Variants in GALNTL6 observed in about 807,000 individuals in gnomAD.
GALNTL6 encodes the protein polypeptide N-acetylgalactosaminyltransferase like 6, also known as polypeptide N-acetylgalactosaminyltransferase-like 6.
GALNTL6 carries 46 observed loss-of-function variants against 73.7 expected under a neutral mutation model. The observed-to-expected ratio is 0.62, with a 90% confidence interval of 0.49 to 0.80. The LOEUF (loss-of-function observed/expected upper bound fraction) is 0.80, where lower values mean the gene tolerates loss of function less well. Among genes scored for constraint, GALNTL6 ranks in the 30% least tolerant of loss-of-function variants. The pLI is 0.00. For missense variants in GALNTL6, 604 were observed against 755.0 expected, an observed-to-expected ratio of 0.80 and a Z score of 2.34; for synonymous variants, 259 against 263.7, an observed-to-expected ratio of 0.98 and a Z score of 0.17.
At chr4:172,286,716 G>A (rs890031412) in intron 3 of GALNTL6, among the ~76,000 whole-genome samples, 2 of 152,132 alleles carry the variant, frequency 1.3e-5, no homozygotes, top group Non-Finnish European at 2.9e-5. Flanking sequence ...GGGGAGGACG[G>A]TGCACAATAT....
intron 2 of GALNTL6, among the ~76,000 whole-genome samples, chr4:171,827,727 T>C (rs918621694): frequency 6.6e-6 from 1 of 152,188 alleles, no homozygotes; most frequent in Non-Finnish European, 1.5e-5. Flanking sequence ...TGGATACTAT[T>C]CCAGCATTCA....
At chr4:172,593,869 A>G (rs1035340736) in intron 5 of GALNTL6, among the ~76,000 whole-genome samples, 3 of 152,112 alleles carry the variant, frequency 2.0e-5, no homozygotes, top group Non-Finnish European at 4.4e-5. Flanking sequence ...AGCTAGGATT[A>G]TAGGCATGTG....
chr4:172,215,049 C>T (rs1320133308), intron 2 of GALNTL6, among the ~76,000 whole-genome samples: 1 of 141,342 alleles, frequency 7.1e-6, no homozygotes, highest in Non-Finnish European at 1.6e-5. Flanking sequence ...GTTATATAAT[C>T]TCCAAGTATT....
At chr4:172,975,012 G>A (rs896610245) in intron 10 of GALNTL6, among the ~76,000 whole-genome samples, 1 of 152,262 alleles carries the variant, frequency 6.6e-6, no homozygotes, top group African/African-American at 2.4e-5. Flanking sequence ...CCAAAGGACT[G>A]CAGCTCTTCC....
intron 5 of GALNTL6, among the ~76,000 whole-genome samples, chr4:172,356,428 T>G (rs568420333): frequency 5.3e-4 from 80 of 150,686 alleles, no homozygotes; most frequent in Middle Eastern, 3.4e-3. Flanking sequence ...CATCTGCTCT[T>G]AATTTAAAAA....
rs190565936 is a variant in GALNTL6 at position 173,023,827 on chromosome 4, T to A, written c.1638+2202T>A. On this transcript the variant is annotated intron_variant, in intron 12 of 12. Transcript: ENST00000506823. ...GAAATGTATAATAAATGATTCATCT[T>A]ATCAAACTATTTTGCTATTCAACAT... 3.0e-4 allele frequency among the ~76,000 whole-genome samples: 46 copies of A among 152,296 alleles called. No homozygotes were observed. In the East Asian group the frequency reaches 7.5e-3, roughly 25 times the overall value.
At chr4:172,000,948 C>T (rs1296726914) in intron 2 of GALNTL6, among the ~76,000 whole-genome samples, 2 of 152,158 alleles carry the variant, frequency 1.3e-5, no homozygotes, top group Non-Finnish European at 2.9e-5. Flanking sequence ...ATATCCCAAT[C>T]TTACTTTCAG....
chr4:172,558,930 G>T (rs1736242313), intron 5 of GALNTL6, among the ~76,000 whole-genome samples: 1 of 151,978 alleles, frequency 6.6e-6, no homozygotes, highest in Non-Finnish European at 1.5e-5. Flanking sequence ...ACCCTCTGGT[G>T]CCATTTGTTT....
chr4:172,500,146 C>A (rs1380660446), intron 5 of GALNTL6, among the ~76,000 whole-genome samples: 1 of 152,160 alleles, frequency 6.6e-6, no homozygotes, highest in Non-Finnish European at 1.5e-5. Flanking sequence ...CTAAGCCAGG[C>A]ATGGTGGCTC....
At chr4:172,636,645 A>G (rs965186789) in intron 5 of GALNTL6, among the ~76,000 whole-genome samples, 3 of 152,188 alleles carry the variant, frequency 2.0e-5, no homozygotes, top group African/African-American at 7.2e-5. Flanking sequence ...CAGCCTTCAA[A>G]AGGAGTACAG....
chr4:172,383,261 ATT>A (rs34622439), intron 5 of GALNTL6, among the ~76,000 whole-genome samples: 1 of 151,826 alleles, frequency 6.6e-6, no homozygotes, highest in African/African-American at 2.4e-5. Flanking sequence ...AGTTCTTTTC[ATT>A]TTTTTTAGAT....
chr4:172,303,146 T>A (rs1286023615), intron 3 of GALNTL6, among the ~76,000 whole-genome samples: 1 of 152,132 alleles, frequency 6.6e-6, no homozygotes, highest in Non-Finnish European at 1.5e-5. Context: ...ATTACAGGCA[T>A]CTGCCACTGT....
At chr4:171,896,898 T>C (rs1736933246) in intron 2 of GALNTL6, among the ~76,000 whole-genome samples, 3 of 152,010 alleles carry the variant, frequency 2.0e-5, no homozygotes, top group African/African-American at 7.3e-5. Context: ...AATTTAATTC[T>C]AAAATTTGTA....
intron 4 of GALNTL6, among the ~76,000 whole-genome samples, chr4:172,332,067 C>A (rs1033845846): frequency 1.3e-5 from 2 of 152,020 alleles, no homozygotes; most frequent in African/African-American, 4.8e-5. Flanking sequence ...ACCTTTCTGA[C>A]AGGTGTTAGG....
At chr4:171,902,138 C>T (rs1408232705) in intron 2 of GALNTL6, among the ~76,000 whole-genome samples, 1 of 152,116 alleles carries the variant, frequency 6.6e-6, no homozygotes, top group Non-Finnish European at 1.5e-5. Flanking sequence ...CCTGACAGCT[C>T]TTGGCTGGAG....
chr4:172,961,422 C>T (rs1423157891), intron 10 of GALNTL6, among the ~76,000 whole-genome samples: 1 of 151,388 alleles, frequency 6.6e-6, no homozygotes, highest in Non-Finnish European at 1.5e-5. Context: ...GGGGTTCTTG[C>T]CCCCCCAGAA....
At chr4:172,528,319 A>AATT (rs1735032639) in intron 5 of GALNTL6, among the ~76,000 whole-genome samples, 2 of 103,706 alleles carry the variant, frequency 1.9e-5, no homozygotes, top group African/African-American at 9.7e-5. Flanking sequence ...CTAGAAATAA[A>AATT]ATATATATAT....
chr4:172,399,654 G>T (rs765534413), intron 5 of GALNTL6, among the ~76,000 whole-genome samples: 5 of 151,970 alleles, frequency 3.3e-5, no homozygotes, highest in Non-Finnish European at 7.4e-5. Flanking sequence ...TACTTCACAT[G>T]GCAGGAGTCC....
intron 2 of GALNTL6, among the ~76,000 whole-genome samples, chr4:171,908,487 G>T (rs1018896936): frequency 7.6e-4 from 116 of 151,934 alleles, no homozygotes; most frequent in African/African-American, 2.6e-3. Context: ...CATTAAAAAG[G>T]CAGGAAACAA....
Sources: allele counts gnomAD v4.1 joint callset (sites outside exome capture counted in the v4.1 genomes callset), GRCh38; gene constraint gnomAD v4.1.1; transcripts MANE v1.5; gene names NCBI Gene and HGNC (gene_info 2026-07-23, HGNC 2026-07-21).